TRIM62: variants seen among roughly 807,000 people sequenced by gnomAD.
TRIM62 encodes the protein E3 ubiquitin-protein ligase TRIM62.
TRIM62 carries 39 observed loss-of-function variants against 44.2 expected under a neutral mutation model. The ratio of observed to expected loss-of-function variants is 0.88; its 90% CI spans 0.68 to 1.15. The LOEUF (loss-of-function observed/expected upper bound fraction) is 1.15. TRIM62 is among the 50% of genes most tolerant of loss of function. The pLI, the probability that TRIM62 is intolerant of heterozygous loss-of-function variation, is 0.00. For synonymous variants in TRIM62, 278 were observed against 292.3 expected (o/e 0.95, Z 0.50); for missense variants, 544 against 665.5 (o/e 0.82, Z 2.01).
intron 1 of TRIM62, chr1:33,176,526 C>A (rs1235003579): frequency 1.2e-5 from 8 of 652,948 alleles, no homozygotes; most frequent in Admixed American, 4.1e-5. Context: ...ATCGGATCCC[C>A]TCTCTGGGGG....
chr1:33,146,885 A>AC lies in TRIM62; in HGVS notation c.*291_*292insG. Reference sequence around the variant, plus strand: ...ACTGGAAGGTAGTCCCCTGCCCCTGAGAAGATGGGGATGAGGGTTGGGCAG... The same window carrying AC: ...ACTGGAAGGTAGTCCCCTGCCCCTGACGAAGATGGGGATGAGGGTTGGGCAG... On this transcript the variant is annotated 3_prime_UTR_variant, in exon 5 of 5. Transcript: ENST00000291416. 1 of 430,224 alleles carries AC rather than the reference A, an allele frequency of 2.3e-6. No individual in the cohort carries two copies. Among genetic ancestry groups the AC allele is most frequent in the Non-Finnish European group, 4.2e-6 (1 of 235,722 alleles). 26.7% of individuals were successfully genotyped at this position (430,224 alleles called of 1,614,324 possible). A position where few individuals can be genotyped will look rare whatever the true frequency, so the allele number is the denominator to read the frequency against.
chr1:33,165,421 C>A lies in TRIM62; in HGVS notation c.504+50G>T. The A allele has an allele frequency of 6.6e-7, 1 of 1,507,828 alleles. No individual in the cohort carries two copies. The highest frequency in any genetic ancestry group is 9.0e-7 in the Non-Finnish European group (1 of 1,116,846). The allele number at this position is 1,507,828 out of a possible 1,614,324, so 93.4% of individuals were successfully genotyped here. On this transcript the variant is annotated intron_variant, in intron 2 of 4. Coordinates refer to ENST00000291416, the MANE Select transcript of TRIM62 (RefSeq NM_018207.3). This position sits in a 1 kb window ranked among gnomAD's most constrained non-coding sequence, Gnocchi z 4.0. ...CCCCAGCTGGCCCCGCCCCTCGAAG[C>A]CCTGCCCTCATCTCTGCCGGCCCCA...
At chr1:33,162,243 A>G (rs1645278215) in intron 2 of TRIM62, among the ~76,000 whole-genome samples, 1 of 152,048 alleles carries the variant, frequency 6.6e-6, no homozygotes, top group African/African-American at 2.4e-5. Context: ...GGACCTTCTC[A>G]ATTTAACCCT....
At chr1:33,180,960 AC>A (rs1398944095) in intron 1 of TRIM62, 64 bp downstream of exon 1, 1 of 209,064 alleles carries the variant, frequency 4.8e-6, no homozygotes, top group Non-Finnish European at 8.6e-6. Context: ...CCCTGACCCC[AC>A]CCCCCGCCCG....
At position 33,175,001 on chromosome 1, in the gene TRIM62, G is replaced by GTATGTATATGTATATGTATATGTA. The variant is rs71006384; in HGVS notation, c.408+6000_408+6023dup. On this transcript the variant is annotated intron_variant, in intron 1 of 4. Coordinates refer to ENST00000291416, the MANE Select transcript of TRIM62 (RefSeq NM_018207.3). Reference sequence around the variant, plus strand: ...TATACATATATATGCACACACACATGTATGTATATGTATATGTATATGTAT... The same window carrying GTATGTATATGTATATGTATATGTA: ...TATACATATATATGCACACACACATGTATGTATATGTATATGTATATGTATATGTATATGTATATGTATATGTAT... 9.7e-4 allele frequency among the ~76,000 whole-genome samples: 131 copies of GTATGTATATGTATATGTATATGTA among 135,666 alleles called. 4 individuals are homozygous for GTATGTATATGTATATGTATATGTA. The highest frequency in any genetic ancestry group is 3.1e-3 in the African/African-American group (105 of 34,322). 89.0% of individuals were successfully genotyped at this position (135,666 alleles called of 152,430 possible).
At chr1:33,160,474 G>A (rs1188215218) in intron 2 of TRIM62, among the ~76,000 whole-genome samples, 1 of 152,106 alleles carries the variant, frequency 6.6e-6, no homozygotes, top group South Asian at 2.1e-4. Flanking sequence ...GCACGATCTC[G>A]GATCATTGCA....
At chr1:33,149,872 T>C (rs1645072846) in intron 4 of TRIM62, among the ~76,000 whole-genome samples, 1 of 152,222 alleles carries the variant, frequency 6.6e-6, no homozygotes, top group Admixed American at 6.5e-5. Context: ...TACTGTCTAA[T>C]GGGGCTCTCC....
chr1:33,180,968 C>T (rs1348584626), intron 1 of TRIM62, 57 bp downstream of exon 1: 7 of 464,724 alleles, frequency 1.5e-5, no homozygotes, highest in African/African-American at 4.2e-5. Flanking sequence ...CCACCCCCCG[C>T]CCGGCCCCAC....
chr1:33,167,568 C>A lies in TRIM62; in HGVS notation c.409-2002G>T, dbSNP rs1421404940. On this transcript the variant is annotated intron_variant, in intron 1 of 4. Transcript: ENST00000291416. This position sits in a 1 kb window ranked among gnomAD's most constrained non-coding sequence, Gnocchi z 4.2. ...TACTGCTCCCTCTCCATATACCTCA[C>A]ACCCAGCAACAGCCTGGCACTGAGA... Among the ~76,000 whole-genome samples, 1 of 152,204 alleles carries A rather than the reference C, an allele frequency of 6.6e-6. No individual in the cohort carries two copies. The highest frequency in any genetic ancestry group is 1.5e-5 in the Non-Finnish European group (1 of 68,034).
chr1:33,181,594 G>A lies in TRIM62; in HGVS notation c.-162C>T. 1 of 1,310,826 alleles carries A rather than the reference G, an allele frequency of 7.6e-7. No homozygotes were observed. The highest frequency in any genetic ancestry group is 3.2e-5 in the Admixed American group (1 of 31,098). 81.2% of individuals were successfully genotyped at this position (1,310,826 alleles called of 1,614,324 possible). ...GGAGGGGGTGCTGTCCGGAAGGAGG[G>A]TAACGCGAGGAAGGGGTGCGCGGCT... On this transcript the variant is annotated 5_prime_UTR_variant, in exon 1 of 5. Transcript: ENST00000291416. This position sits in a 1 kb window ranked among gnomAD's most constrained non-coding sequence, Gnocchi z 6.5.
intron 1 of TRIM62, among the ~76,000 whole-genome samples, chr1:33,168,577 T>G (rs1645348868): frequency 6.6e-6 from 1 of 152,178 alleles, no homozygotes; most frequent in African/African-American, 2.4e-5. Context: ...GAGACTTGTC[T>G]TACATGAGAG....
chr1:33,147,418 T>G lies in TRIM62; in HGVS notation c.1187A>C (p.Gln396Pro). 1.2e-6 allele frequency: 2 copies of G among 1,614,114 alleles called. No homozygotes were observed. The highest frequency in any genetic ancestry group is 2.2e-5 in the South Asian group (2 of 91,086). Reference protein sequence around the residue: ...FYCIVMHDGNQYSACTEPWTR... With the variant: ...FYCIVMHDGNPYSACTEPWTR... Reference sequence around the variant, plus strand: ...CCAGGGCTCCGTGCAGGCGCTGTACTGGTTGCCATCGTGCATCACGATGCA... The same window carrying G: ...CCAGGGCTCCGTGCAGGCGCTGTACGGGTTGCCATCGTGCATCACGATGCA... Residue 396 changes from glutamine to proline, a missense_variant, in exon 5 of 5, where the codon CAG becomes CCG. Physicochemically the swap from Gln to Pro is moderately conservative, Grantham distance 76 (BLOSUM62 -1). Coordinates refer to ENST00000291416, the MANE Select transcript of TRIM62 (RefSeq NM_018207.3). This position sits in a 1 kb window ranked among gnomAD's most constrained non-coding sequence, Gnocchi z 8.1.
intron 1 of TRIM62, chr1:33,176,629 C>T (rs1034282210): frequency 2.6e-5 from 13 of 507,496 alleles, no homozygotes; most frequent in African/African-American, 5.7e-5. Flanking sequence ...TCAGCTGGCA[C>T]AGATGGCCTA....
Position 33,177,071 on chromosome 1 carries a change from A to ACACATGCATGCACACATG in TRIM62, c.408+3953_408+3954insCATGTGTGCATGCATGTG, listed in dbSNP as rs1411812412. Among the ~76,000 whole-genome samples, 5 of 11,114 alleles carry ACACATGCATGCACACATG rather than the reference A, an allele frequency of 4.5e-4. No homozygotes were observed. The highest frequency in any genetic ancestry group is 8.8e-4 in the African/African-American group (3 of 3,412). The allele number at this position is 11,114 out of a possible 152,430, so 7.3% of individuals were successfully genotyped here. The stretch of plus-strand genomic sequence containing the variant: ...CACACGCACACACACACACATGCAC[A>ACACATGCATGCACACATG]CACACACATGCATGCACAAATGCAC... On this transcript the variant is annotated intron_variant, in intron 1 of 4. Transcript: ENST00000291416. This position sits in a 1 kb window ranked among gnomAD's most constrained non-coding sequence, Gnocchi z 4.1.
chr1:33,145,670 G>A lies in TRIM62; in HGVS notation c.*1507C>T. 1 of 315,290 alleles carries A rather than the reference G, an allele frequency of 3.2e-6. No homozygotes were observed. Among genetic ancestry groups the A allele is most frequent in the Non-Finnish European group, 6.3e-6 (1 of 159,316 alleles). 19.5% of individuals were successfully genotyped at this position (315,290 alleles called of 1,614,324 possible). A position where few individuals can be genotyped will look rare whatever the true frequency, so the allele number is the denominator to read the frequency against. On this transcript the variant is annotated 3_prime_UTR_variant, in exon 5 of 5. Coordinates refer to ENST00000291416, the MANE Select transcript of TRIM62 (RefSeq NM_018207.3). ...CTAGGCCCCAGGACTAGAAAGAAAA[G>A]TCAAGGCCGGGGAGACATTTAGGCT...
At chr1:33,170,401 A>G (rs1457320078) in intron 1 of TRIM62, among the ~76,000 whole-genome samples, 1 of 151,940 alleles carries the variant, frequency 6.6e-6, no homozygotes, top group East Asian at 1.9e-4. Flanking sequence ...TAAAACAACA[A>G]CAACAAAAAT....
chr1:33,172,798 G>A (rs1645384432), intron 1 of TRIM62, among the ~76,000 whole-genome samples: 1 of 152,290 alleles, frequency 6.6e-6, no homozygotes, highest in South Asian at 2.1e-4. Flanking sequence ...TGGTCCAGGG[G>A]ACAAAGCAGC....
chr1:33,174,849 G>A (rs182951518), intron 1 of TRIM62, among the ~76,000 whole-genome samples: 93 of 151,404 alleles, frequency 6.1e-4, no homozygotes, highest in African/African-American at 2.1e-3. Flanking sequence ...CCAACACAGG[G>A]CTGGCCCTCT....
At chr1:33,164,554 A>C (rs1186258202) in intron 2 of TRIM62, 1 of 152,274 alleles carries the variant, frequency 6.6e-6, no homozygotes, top group Non-Finnish European at 1.5e-5. Flanking sequence ...TGGGATCAGA[A>C]CCCATGTCCT....
Sources: gnomAD v4.1 joint callset for allele counts (sites outside exome capture counted in the v4.1 genomes callset) on GRCh38, gnomAD v4.1.1 for gene constraint, Gnocchi (gnomAD v3.1) non-coding constraint, MANE v1.5 for transcripts, NCBI Gene and HGNC (gene_info 2026-07-23, HGNC 2026-07-21) for gene names.